Variants in FAM135A observed in about 807,000 individuals in gnomAD.
FAM135A encodes the protein family with sequence similarity 135 member A, also known as protein FAM135A.
In FAM135A, 79 loss-of-function variants were observed where a neutral mutation model predicts 146.8. That is an observed-to-expected ratio of 0.54 (90% CI 0.45 to 0.65). The LOEUF (loss-of-function observed/expected upper bound fraction) is 0.65. Among genes scored for constraint, FAM135A ranks in the 30% least tolerant of loss-of-function variants. The probability of loss-of-function intolerance (pLI) is 0.00; values close to 1 mark genes in which losing one functional copy is unlikely to be tolerated. For missense variants in FAM135A, 1,623 were observed against 1,758.2 expected, an observed-to-expected ratio of 0.92 and a Z score of 1.38; for synonymous variants, 562 against 603.6, an observed-to-expected ratio of 0.93 and a Z score of 1.01.
chr6:70,525,557 G>A lies in FAM135A; in HGVS notation c.2473G>A (p.Glu825Lys). ...ATTTTCATTAGGAAATCATTGTACT[G>A]AGAGTACAAGTGCTATAAGTGAAAT... ...VKFSLGNHCT[E>K]STSAISEIQS... Residue 825 changes from glutamate to lysine, a missense_variant, in exon 15 of 22, where the codon GAG becomes AAG. Glu to Lys is a moderately conservative substitution (Grantham distance 56). Transcript: ENST00000418814. 1 of 1,613,122 alleles carries A rather than the reference G, an allele frequency of 6.2e-7. No homozygotes were observed. Among genetic ancestry groups the A allele is most frequent in the Non-Finnish European group, 8.5e-7 (1 of 1,179,438 alleles).
At chr6:70,446,756 G>T (rs902666506) in intron 4 of FAM135A, among the ~76,000 whole-genome samples, 27 of 152,130 alleles carry the variant, frequency 1.8e-4, no homozygotes, top group Non-Finnish European at 3.8e-4. Flanking sequence ...GAATACTCAC[G>T]GCAGTGGTGA....
At chr6:70,533,694 T>G (rs962633109) in intron 17 of FAM135A, 63 bp from the exon 18 acceptor site, 1 of 959,094 alleles carries the variant, frequency 1.0e-6, no homozygotes, top group Non-Finnish European at 1.6e-6. Flanking sequence ...GTTTATATTG[T>G]TAGTTTTTCA....
At chr6:70,554,744 C>T (rs183997553) in intron 20 of FAM135A, among the ~76,000 whole-genome samples, 1 of 152,308 alleles carries the variant, frequency 6.6e-6, no homozygotes, top group Admixed American at 6.5e-5. Context: ...TCTCCTGCCT[C>T]AGCCTCCTGA....
chr6:70,528,202 G>T, intron 15 of FAM135A, 90 bp from the exon 16 acceptor site: 1 of 1,266,928 alleles, frequency 7.9e-7, no homozygotes, highest in East Asian at 2.5e-5. Context: ...ATATTGTTGG[G>T]TTTCCACTTC....
intron 4 of FAM135A, among the ~76,000 whole-genome samples, chr6:70,441,324 G>T (rs368519130): frequency 1.3e-5 from 2 of 152,118 alleles, no homozygotes; most frequent in East Asian, 3.9e-4. Context: ...AGAGGTGGAG[G>T]TTGCTGTAAG....
chr6:70,556,051 C>A lies in FAM135A; in HGVS notation c.4229-699C>A, dbSNP rs1406970714. ...TCACTTTGAGGCCAGGAGTTCAAGA[C>A]CAGCCTGGCCAATATGGTGAAACCC... On this transcript the variant is annotated intron_variant, in intron 20 of 21. Transcript: ENST00000418814. Among the ~76,000 whole-genome samples, 4 of 152,054 alleles carry A rather than the reference C, an allele frequency of 2.6e-5. No homozygotes were observed. The East Asian group carries it at 7.7e-4, about 29-fold the overall frequency.
Position 70,480,881 on chromosome 6 carries a change from T to G in FAM135A, c.543-20T>G, listed in dbSNP as rs769608299. The G allele has an allele frequency of 3.1e-6, 5 of 1,599,676 alleles. No individual in the cohort carries two copies. The highest frequency in any genetic ancestry group is 4.3e-6 in the Non-Finnish European group (5 of 1,175,042). On this transcript the variant is annotated intron_variant, in intron 8 of 21. Transcript: ENST00000418814. Reference sequence around the variant, plus strand: ...AAATAGACTCGTATGACAATAATAATGTAATACTTCTTCCTCCAGCTTTCC... The same window carrying G: ...AAATAGACTCGTATGACAATAATAAGGTAATACTTCTTCCTCCAGCTTTCC...
intron 4 of FAM135A, among the ~76,000 whole-genome samples, chr6:70,437,394 G>T (rs907833804): frequency 2.6e-5 from 4 of 151,950 alleles, no homozygotes; most frequent in African/African-American, 9.7e-5. Flanking sequence ...GATTTTAAAA[G>T]AATATATTGG....
Position 70,524,778 on chromosome 6 carries a change from T to A in FAM135A, c.1694T>A (p.Met565Lys). 1 of 1,551,544 alleles carries A rather than the reference T, an allele frequency of 6.4e-7. No individual in the cohort carries two copies. Among genetic ancestry groups the A allele is most frequent in the Non-Finnish European group, 8.7e-7 (1 of 1,146,918 alleles). The change falls in exon 15 of 22, where the codon ATG becomes AAG. Residue 565 changes from methionine (M) to lysine (K), a missense_variant. By Grantham distance (95) the Met-to-Lys change is moderately conservative. Around this residue, in one of 7 missense-constraint regions of FAM135A, gnomAD observed 1,061 missense variants for 1,113.8 expected, o/e 0.95. Transcript: ENST00000418814. ...CGYNFDPKTYMRQTSQKEASC... is the reference protein window; with the variant it reads ...CGYNFDPKTYKRQTSQKEASC... Reference sequence around the variant, plus strand: ...TATAATTTTGACCCAAAGACCTACATGAGACAGACAAGTCAAAAGGAAGCT... The same window carrying A: ...TATAATTTTGACCCAAAGACCTACAAGAGACAGACAAGTCAAAAGGAAGCT...
intron 4 of FAM135A, among the ~76,000 whole-genome samples, chr6:70,429,770 G>T (rs1397316918): frequency 6.6e-6 from 1 of 152,192 alleles, no homozygotes; most frequent in East Asian, 1.9e-4. Flanking sequence ...ACTGATGGTT[G>T]TGTAGAAGAA....
At chr6:70,471,591 C>A (rs1490143532) in intron 5 of FAM135A, among the ~76,000 whole-genome samples, 1 of 117,000 alleles carries the variant, frequency 8.5e-6, no homozygotes, top group Non-Finnish European at 1.5e-5. Flanking sequence ...GGGAGAGGAT[C>A]AATCAGGAAG....
chr6:70,556,688 C>G, intron 20 of FAM135A, 62 bp from the exon 21 acceptor site: 1 of 1,132,756 alleles, frequency 8.8e-7, no homozygotes, highest in Non-Finnish European at 1.2e-6. Flanking sequence ...TAATATGATA[C>G]TAATAACTTG....
intron 2 of FAM135A, among the ~76,000 whole-genome samples, chr6:70,416,188 C>G (rs1055359643): frequency 6.6e-6 from 1 of 152,146 alleles, no homozygotes; most frequent in Non-Finnish European, 1.5e-5. Context: ...AGCAGCAGTT[C>G]TAATGTACTA....
At chr6:70,426,970 A>G (rs1011475120) in intron 3 of FAM135A, among the ~76,000 whole-genome samples, 6 of 152,176 alleles carry the variant, frequency 3.9e-5, no homozygotes, top group African/African-American at 1.4e-4. Context: ...CCGTGAAAAG[A>G]TAGTCTGGAA....
chr6:70,475,358 C>T (rs1782420444), intron 5 of FAM135A, 52 bp from the exon 6 acceptor site: 1 of 1,404,288 alleles, frequency 7.1e-7, no homozygotes, highest in South Asian at 1.4e-5. Context: ...TGTTAATTTG[C>T]TTGTGTTATA....
At chr6:70,523,023 G>A (rs1487054671) in intron 13 of FAM135A, among the ~76,000 whole-genome samples, 1 of 152,104 alleles carries the variant, frequency 6.6e-6, no homozygotes, top group Non-Finnish European at 1.5e-5. Context: ...CTTTCCTACT[G>A]AGTAGATTTA....
chr6:70,447,465 G>T (rs564654215), intron 4 of FAM135A, among the ~76,000 whole-genome samples: 23 of 152,340 alleles, frequency 1.5e-4, no homozygotes, highest in Middle Eastern at 6.8e-3. Flanking sequence ...AAGTAATCCT[G>T]TCGTCCCCGC....
intron 20 of FAM135A, among the ~76,000 whole-genome samples, chr6:70,538,689 T>C (rs1233963261): frequency 2.0e-5 from 3 of 151,766 alleles, no homozygotes; most frequent in South Asian, 2.1e-4. Flanking sequence ...TTTGTTAGTC[T>C]ATGTTTTTAG....
intron 10 of FAM135A, among the ~76,000 whole-genome samples, chr6:70,489,634 A>T (rs964203673): frequency 2.0e-5 from 3 of 152,178 alleles, no homozygotes; most frequent in African/African-American, 7.2e-5. Context: ...AGCTAGCAGC[A>T]GCCAGTGCTG....
Sources: gnomAD v4.1 joint callset for allele counts (sites outside exome capture counted in the v4.1 genomes callset) on GRCh38, gnomAD v4.1.1 for gene constraint, gnomAD v4.1.1 regional missense constraint, MANE v1.5 for transcripts, NCBI Gene and HGNC (gene_info 2026-07-23, HGNC 2026-07-21) for gene names.